Variants in SBSN observed in about 807,000 individuals in gnomAD.
SBSN encodes the protein HLAR698.
In SBSN, 33 loss-of-function variants were observed where a neutral mutation model predicts 42.8. That is an observed-to-expected ratio of 0.77 (90% CI 0.58 to 1.03). The LOEUF is 1.03. Ranked by LOEUF, SBSN falls within the 50% of genes least tolerant of loss-of-function variation. The pLI, the probability that SBSN is intolerant of heterozygous loss-of-function variation, is 0.00. For missense variants in SBSN, 646 were observed against 757.3 expected (o/e 0.85, Z 1.72); for synonymous variants, 276 against 307.0 (o/e 0.90, Z 1.06).
chr19:35,527,373 A>T lies in SBSN; in HGVS notation c.909T>A (p.Ala303=). The T allele has an allele frequency of 6.4e-7, 1 of 1,552,568 alleles. No homozygotes were observed. Among genetic ancestry groups the T allele is most frequent in the Non-Finnish European group, 8.6e-7 (1 of 1,160,038 alleles). ...CTGCCTCATTTCCGGCCTGCCCCGCAGCATGGTGGGCCCCCTGGCCAAACT... is the reference window on the plus strand; with the variant it reads ...CTGCCTCATTTCCGGCCTGCCCCGCTGCATGGTGGGCCCCCTGGCCAAACT... The part of the protein sequence containing the change: ...AEKFGQGAHH[A]AGQAGNEAGR... Residue 303 remains alanine, a synonymous_variant, in exon 1 of 4, where the codon GCT becomes GCA. Coordinates refer to ENST00000452271, the MANE Select transcript of SBSN (RefSeq NM_001166034.2).
rs897160160 is a variant in SBSN, at chr19:35,527,407, T to A, written c.875A>T (p.Glu292Val). The change falls in exon 1 of 4, where the codon GAG (glutamate) becomes GTG (valine). Residue 292 changes from glutamate (E) to valine (V), a missense_variant. This residue lies in a region of SBSN where 220 missense variants were observed against 334.5 expected (regional missense o/e 0.66). Transcript: ENST00000452271. Reference protein sequence around the residue: ...VHHTAGQVGKEAEKFGQGAHH... With the variant: ...VHHTAGQVGKVAEKFGQGAHH... ...GGCCCCCTGGCCAAACTTCTCTGCC[T>A]CCTTCCCAACCTGACCAGCAGTATG... 5 of 1,578,570 alleles carry A rather than the reference T, an allele frequency of 3.2e-6. No homozygotes were observed. Among genetic ancestry groups the A allele is most frequent in the Non-Finnish European group, 4.3e-6 (5 of 1,172,108 alleles).
intron 1 of SBSN, among the ~76,000 whole-genome samples, chr19:35,526,372 G>C (rs990878852): frequency 6.6e-6 from 1 of 152,018 alleles, no homozygotes; most frequent in Non-Finnish European, 1.5e-5. Flanking sequence ...CCTTAACCAG[G>C]AGGGCAGCTC....
At chr19:35,524,966 C>T (rs373594670) in intron 1 of SBSN, 42 bp from the exon 2 acceptor site, 100 of 1,602,838 alleles carry the variant, frequency 6.2e-5, no homozygotes, top group Middle Eastern at 3.5e-4. Context: ...CCCACAAACG[C>T]GGAGGGTCTC....
At position 35,526,829 on chromosome 19, in the gene SBSN, G is replaced by T. The variant is rs1303318149; in HGVS notation, c.1453C>A (p.His485Asn). ...KAVQGFHTGV[H>N]QAGKEAEKLG... ...TTCTCTGCTTCCTTCCCAGCCTGGT[G>T]GACCCCAGTGTGGAACCCTTGGACC... is the stretch of plus-strand genomic sequence containing the variant. The change falls in exon 1 of 4, where the codon CAC becomes AAC. Residue 485 changes from histidine (H) to asparagine (N), a missense_variant. His to Asn is a moderately conservative substitution (Grantham distance 68). Coordinates refer to ENST00000452271, the MANE Select transcript of SBSN (RefSeq NM_001166034.2). 6 of 1,609,914 alleles carry T rather than the reference G, an allele frequency of 3.7e-6. No individual in the cohort carries two copies. The highest frequency in any genetic ancestry group is 5.1e-6 in the Non-Finnish European group (6 of 1,178,620).
At chr19:35,523,666 G>A (rs1391485226) in intron 3 of SBSN, 133 bp from the exon 4 acceptor site, 3 of 873,666 alleles carry the variant, frequency 3.4e-6, no homozygotes, top group South Asian at 2.8e-5. Flanking sequence ...TTCTGGGGAA[G>A]TTTCAGGAAG....
At chr19:35,526,053 G>A (rs1163948350) in intron 1 of SBSN, among the ~76,000 whole-genome samples, 1 of 152,180 alleles carries the variant, frequency 6.6e-6, no homozygotes, top group African/African-American at 2.4e-5. Context: ...CAGTGCAGGG[G>A]AAGAGAACCC....
Position 35,527,395 on chromosome 19 carries a change from A to C in SBSN, c.887T>G (p.Phe296Cys). 1 of 1,571,530 alleles carries C rather than the reference A, an allele frequency of 6.4e-7. No individual in the cohort carries two copies. Reference protein sequence around the residue: ...AGQVGKEAEKFGQGAHHAAGQ... With the variant: ...AGQVGKEAEKCGQGAHHAAGQ... The stretch of plus-strand genomic sequence containing the variant: ...CGCAGCATGGTGGGCCCCCTGGCCA[A>C]ACTTCTCTGCCTCCTTCCCAACCTG... Residue 296 changes from phenylalanine to cysteine, a missense_variant, in exon 1 of 4, where the codon TTT becomes TGT. Around this residue, in one of 3 missense-constraint regions of SBSN, gnomAD observed 220 missense variants for 334.5 expected, o/e 0.66. Coordinates refer to ENST00000452271, the MANE Select transcript of SBSN (RefSeq NM_001166034.2).
At chr19:35,526,547 C>G in intron 1 of SBSN, 97 bp downstream of exon 1, 1 of 1,137,414 alleles carries the variant, frequency 8.8e-7, no homozygotes, top group East Asian at 2.4e-5. Flanking sequence ...CAAACAAAGG[C>G]TACGCGGACC....
intron 1 of SBSN, among the ~76,000 whole-genome samples, chr19:35,526,358 GC>G (rs1432602972): frequency 6.6e-6 from 1 of 151,908 alleles, no homozygotes; most frequent in African/African-American, 2.4e-5. Context: ...CCCACTTGAG[GC>G]CCCCTTAACC....
In SBSN at chr19:35,524,929, G is replaced by A. The variant is rs373329145; in HGVS notation, c.1639-5C>T. Reference sequence around the variant, plus strand: ...AGATCCGCTTTGATGGTTGCCCTGTGGACAAAGCCCAGACTCTTGTTACAA... The same window carrying A: ...AGATCCGCTTTGATGGTTGCCCTGTAGACAAAGCCCAGACTCTTGTTACAA... On this transcript the variant is annotated splice_polypyrimidine_tract_variant and splice_region_variant and intron_variant, in intron 1 of 3. Transcript: ENST00000452271. 2 of 1,613,818 alleles carry A rather than the reference G, an allele frequency of 1.2e-6. No homozygotes were observed. The highest frequency in any genetic ancestry group is 1.7e-5 in the Admixed American group (1 of 59,986).
chr19:35,523,454 A>T lies in SBSN; in HGVS notation c.*56T>A, dbSNP rs1212071521. On this transcript the variant is annotated 3_prime_UTR_variant, in exon 4 of 4. Coordinates refer to ENST00000452271, the MANE Select transcript of SBSN (RefSeq NM_001166034.2). ...CCCCCACCCCCAACCCCTCCAGGTC[A>T]TGTCAGCTGATGTGACAACGGCGAC... 12 of 1,586,704 alleles carry T rather than the reference A, an allele frequency of 7.6e-6. No homozygotes were observed. Among genetic ancestry groups the T allele is most frequent in the Non-Finnish European group, 1.0e-5 (12 of 1,155,328 alleles).
intron 3 of SBSN, 47 bp from the exon 4 acceptor site, chr19:35,523,580 T>A: frequency 1.9e-6 from 3 of 1,603,978 alleles, no homozygotes; most frequent in Non-Finnish European, 2.6e-6. Context: ...TCCACAGTCA[T>A]GACGGGACCC....
chr19:35,526,558 C>A, intron 1 of SBSN, 86 bp downstream of exon 1: 2 of 1,187,416 alleles, frequency 1.7e-6, no homozygotes, highest in Admixed American at 2.3e-5. Flanking sequence ...TACGCGGACC[C>A]CCCCGCCCCG....
chr19:35,525,350 G>A (rs1342492879), intron 1 of SBSN, among the ~76,000 whole-genome samples: 1 of 151,974 alleles, frequency 6.6e-6, no homozygotes, highest in Non-Finnish European at 1.5e-5. Flanking sequence ...CCCCAGCAGT[G>A]CCCCCAACCC....
rs755418538 is a variant in SBSN, at chr19:35,527,522, C to T, written c.760G>A (p.Gly254Arg). The T allele has an allele frequency of 1.0e-4, 154 of 1,526,932 alleles. No homozygotes were observed. Among genetic ancestry groups the T allele is most frequent in the Non-Finnish European group, 1.2e-4 (142 of 1,146,584 alleles). 94.6% of individuals were successfully genotyped at this position (1,526,932 alleles called of 1,614,324 possible). The stretch of plus-strand genomic sequence containing the variant: ...TGGCCAAATCTCCCTGCCTCATTTC[C>T]GGCCTGCCCCGCAGCATGGTGGGCC... ...QGAHHAAGQAGNEAGRFGQGV... is the reference protein window; with the variant it reads ...QGAHHAAGQARNEAGRFGQGV... Residue 254 changes from glycine (G) to arginine (R), a missense_variant, in exon 1 of 4, where the codon GGA (glycine) becomes AGA (arginine). Coordinates refer to ENST00000452271, the MANE Select transcript of SBSN (RefSeq NM_001166034.2).
In SBSN at chr19:35,523,475, G is replaced by A. The variant is rs750285838; in HGVS notation, c.*35C>T. ...GGTCATGTCAGCTGATGTGACAACG[G>A]CGACATTATTCTCCCAGCAAGGCCG... On this transcript the variant is annotated 3_prime_UTR_variant, in exon 4 of 4. Coordinates refer to ENST00000452271, the MANE Select transcript of SBSN (RefSeq NM_001166034.2). 1.2e-6 allele frequency: 2 copies of A among 1,612,510 alleles called. No individual in the cohort carries two copies. Among genetic ancestry groups the A allele is most frequent in the East Asian group, 4.5e-5 (2 of 44,858 alleles).
intron 1 of SBSN, among the ~76,000 whole-genome samples, chr19:35,526,163 A>G (rs1361980193): frequency 6.6e-6 from 1 of 152,210 alleles, no homozygotes; most frequent in African/African-American, 2.4e-5. Context: ...TCAGGGCGTC[A>G]GCAGCCTCAT....
intron 1 of SBSN, 83 bp downstream of exon 1, chr19:35,526,561 C>G (rs1244685076): frequency 9.9e-6 from 12 of 1,218,042 alleles, no homozygotes; most frequent in African/African-American, 1.5e-5. Flanking sequence ...GCGGACCCCC[C>G]CGCCCCGCCA....
At chr19:35,524,642 C>CG (rs2071347810) in intron 3 of SBSN, 69 bp downstream of exon 3, 2 of 1,561,270 alleles carry the variant, frequency 1.3e-6, no homozygotes, top group East Asian at 4.5e-5. Flanking sequence ...AAACAGACAC[C>CG]GGGAAGGGGT....
Sources: gnomAD v4.1 joint callset for allele counts (sites outside exome capture counted in the v4.1 genomes callset) on GRCh38, gnomAD v4.1.1 for gene constraint, gnomAD v4.1.1 regional missense constraint, MANE v1.5 for transcripts, NCBI Gene and HGNC (gene_info 2026-07-23, HGNC 2026-07-21) for gene names.